Variants in RPS6KA6 observed in about 807,000 individuals in gnomAD.
RPS6KA6 encodes ribosomal protein S6 kinase A6, also known as ribosomal protein S6 kinase alpha-6.
RPS6KA6 carries 27 observed loss-of-function variants against 65.4 expected under a neutral mutation model. The ratio of observed to expected loss-of-function variants is 0.41; its 90% CI spans 0.30 to 0.57. The LOEUF is 0.57. Ranked by LOEUF, RPS6KA6 falls within the 20% of genes least tolerant of loss-of-function variation. The pLI is 0.24. For missense variants in RPS6KA6, 486 were observed against 555.6 expected (o/e 0.87, Z 1.26); for synonymous variants, 190 against 184.2 (o/e 1.03, Z -0.26).
intron 3 of RPS6KA6, among the ~76,000 whole-genome samples, chrX:84,152,603 C>A (rs2035347701): frequency 9.0e-6 from 1 of 111,386 alleles, no homozygotes; most frequent in Non-Finnish European, 1.9e-5. Context: ...TATATGTACT[C>A]ATTAGTTATT....
rs188099776 is a variant in RPS6KA6 at position 84,167,384 on chromosome X, G to T, written c.82-2997C>A. ...AAAAAGAAGAGAACTGTTGATACTTGTAACAACATCGATGAATCTTAAAAG... is the reference window on the plus strand; with the variant it reads ...AAAAAGAAGAGAACTGTTGATACTTTTAACAACATCGATGAATCTTAAAAG... On this transcript the variant is annotated intron_variant, in intron 1 of 21. Coordinates refer to ENST00000262752, the MANE Select transcript of RPS6KA6 (RefSeq NM_014496.5). 2.7e-5 allele frequency among the ~76,000 whole-genome samples: 3 copies of T among 112,021 alleles called. No homozygotes were observed. The East Asian group carries it at 8.4e-4, about 31-fold the overall frequency.
At chrX:84,136,509 ACAT>A (rs1422298554) in intron 6 of RPS6KA6, among the ~76,000 whole-genome samples, 2 of 111,853 alleles carry the variant, frequency 1.8e-5, no homozygotes, top group Non-Finnish European at 3.8e-5. Context: ...AAATATAAAA[ACAT>A]CACTTTCACT....
intron 2 of RPS6KA6, among the ~76,000 whole-genome samples, chrX:84,162,110 TG>T (rs1221076451): frequency 9.0e-6 from 1 of 110,799 alleles, no homozygotes; most frequent in African/African-American, 3.3e-5. Flanking sequence ...TTGACATTGC[TG>T]AAAGAAGTAG....
intron 20 of RPS6KA6, among the ~76,000 whole-genome samples, chrX:84,066,975 G>C (rs911551164): frequency 1.8e-5 from 2 of 111,716 alleles, no homozygotes; most frequent in African/African-American, 6.5e-5. Flanking sequence ...GTGATACCAA[G>C]GTGAACAGGG....
At chrX:84,088,698 G>T (rs2033982161) in intron 20 of RPS6KA6, among the ~76,000 whole-genome samples, 1 of 112,073 alleles carries the variant, frequency 8.9e-6, no homozygotes, top group Admixed American at 9.5e-5. Flanking sequence ...TGACTGCTTG[G>T]CCTCCCCAGA....
chrX:84,081,911 A>G (rs868655799), intron 20 of RPS6KA6, among the ~76,000 whole-genome samples: 1 of 111,659 alleles, frequency 9.0e-6, no homozygotes, highest in African/African-American at 3.3e-5. Flanking sequence ...CATGCTAAAA[A>G]CTCTCAATAA....
At chrX:84,130,703 T>C (rs1183744873) in intron 8 of RPS6KA6, among the ~76,000 whole-genome samples, 2 of 111,265 alleles carry the variant, frequency 1.8e-5, no homozygotes, top group Non-Finnish European at 3.8e-5. Context: ...CAGCCAACAA[T>C]ATGGATGAAT....
intron 2 of RPS6KA6, among the ~76,000 whole-genome samples, chrX:84,158,975 T>C (rs2035463428): frequency 9.0e-6 from 1 of 111,586 alleles, no homozygotes; most frequent in Non-Finnish European, 1.9e-5. Context: ...AAAAACAATA[T>C]TTGGGTGCTT....
Position 84,058,978 on chromosome X carries a change from T to A in RPS6KA6, c.*5299A>T, listed in dbSNP as rs770461904. 2.8e-5 allele frequency: 3 copies of A among 107,449 alleles called. No homozygotes were observed. Among genetic ancestry groups the A allele is most frequent in the East Asian group, 2.9e-4 (1 of 3,424 alleles). 8.9% of individuals were successfully genotyped at this position (107,449 alleles called of 1,213,427 possible). ...AGTACTTCCTGTTTTTTTTTTTTTT[T>A]ATCAAACAGAAAAACCACCTTCTCC... On this transcript the variant is annotated 3_prime_UTR_variant, in exon 22 of 22. Coordinates refer to ENST00000262752, the MANE Select transcript of RPS6KA6 (RefSeq NM_014496.5).
At position 84,102,274 on chromosome X, in the gene RPS6KA6, T is replaced by A. The variant is rs1465367491; in HGVS notation, c.1615-76A>T. On this transcript the variant is annotated intron_variant, in intron 17 of 21. Coordinates refer to ENST00000262752, the MANE Select transcript of RPS6KA6 (RefSeq NM_014496.5). ...TGAGAAATAAAACATTATATCTATA[T>A]AATTAACTAAATATCTGAGAAAAAG... The A allele has an allele frequency of 7.6e-6, 4 of 523,743 alleles. No homozygotes were observed. In the Admixed American group the frequency reaches 2.4e-4, roughly 32 times the overall value. 43.2% of individuals were successfully genotyped at this position (523,743 alleles called of 1,213,427 possible).
At chrX:84,088,557 G>T (rs1000414741) in intron 20 of RPS6KA6, among the ~76,000 whole-genome samples, 2 of 112,064 alleles carry the variant, frequency 1.8e-5, no homozygotes, top group Non-Finnish European at 1.9e-5. Flanking sequence ...TCCTGTAGGA[G>T]GTGTCTGGAG....
intron 6 of RPS6KA6, among the ~76,000 whole-genome samples, chrX:84,142,526 G>C (rs1175119635): frequency 3.6e-5 from 4 of 111,150 alleles, no homozygotes; most frequent in Non-Finnish European, 7.6e-5. Flanking sequence ...TAATAGAACA[G>C]AAATAGAATA....
At chrX:84,120,194 A>G (rs2034641457) in intron 8 of RPS6KA6, among the ~76,000 whole-genome samples, 167 bp from the exon 9 acceptor site, 1 of 111,603 alleles carries the variant, frequency 9.0e-6, no homozygotes, top group African/African-American at 3.2e-5. Context: ...CCTGTATTTC[A>G]TAACAATACT....
intron 16 of RPS6KA6, 55 bp downstream of exon 16, chrX:84,105,732 G>A (rs2034346273): frequency 4.3e-6 from 3 of 694,337 alleles, no homozygotes; most frequent in Non-Finnish European, 6.5e-6. Context: ...GAAAAATAAA[G>A]TTCCAATTCA....
Position 84,188,078 on chromosome X carries a change from G to A in RPS6KA6, c.-179C>T, listed in dbSNP as rs1299223565. On this transcript the variant is annotated 5_prime_UTR_variant, in exon 1 of 22. Coordinates refer to ENST00000262752, the MANE Select transcript of RPS6KA6 (RefSeq NM_014496.5). ...GTCTCTCAGAGGCTGGGAGCTGGGGGTCGCCGCCGCCGCCGCCCGGTGATT... is the reference window on the plus strand; with the variant it reads ...GTCTCTCAGAGGCTGGGAGCTGGGGATCGCCGCCGCCGCCGCCCGGTGATT... Among the ~76,000 whole-genome samples, 1 of 101,651 alleles carries A rather than the reference G, an allele frequency of 9.8e-6. No individual in the cohort carries two copies. The highest frequency in any genetic ancestry group is 2.0e-5 in the Non-Finnish European group (1 of 49,283). 88.3% of individuals were successfully genotyped at this position (101,651 alleles called of 115,157 possible).
chrX:84,136,338 C>CT, intron 6 of RPS6KA6, among the ~76,000 whole-genome samples: 1 of 111,561 alleles, frequency 9.0e-6, no homozygotes, highest in African/African-American at 3.2e-5. Context: ...ATTACGGCCA[C>CT]TGCATTTCAC....
At chrX:84,120,983 G>A (rs1000414342) in intron 8 of RPS6KA6, among the ~76,000 whole-genome samples, 2 of 112,201 alleles carry the variant, frequency 1.8e-5, no homozygotes, top group African/African-American at 6.5e-5. Flanking sequence ...TGGAACAGAA[G>A]AGTGTACAAT....
rs201080239 is a variant in RPS6KA6 at position 84,062,952 on chromosome X, T to TAGCAGCAGC, written c.*1324_*1325insGCTGCTGCT. On this transcript the variant is annotated 3_prime_UTR_variant, in exon 22 of 22. Transcript: ENST00000262752. ...GTAGTAGTAGTAGTAGTAGTAGTAG[T>TAGCAGCAGC]AGCAGTAGTAGCTGCTGCTGTTGTT... 6 of 110,207 alleles carry TAGCAGCAGC rather than the reference T, an allele frequency of 5.4e-5. No homozygotes were observed. The highest frequency in any genetic ancestry group is 1.1e-4 in the Non-Finnish European group (6 of 52,673). 9.1% of individuals were successfully genotyped at this position (110,207 alleles called of 1,213,427 possible). A position where few individuals can be genotyped will look rare whatever the true frequency, so the allele number is the denominator to read the frequency against.
At position 84,105,936 on chromosome X, in the gene RPS6KA6, G is replaced by C. The variant is rs1216980659; in HGVS notation, c.1366-60C>G. 6.3e-6 allele frequency: 4 copies of C among 635,306 alleles called. No individual in the cohort carries two copies. In the East Asian group the frequency reaches 1.4e-4, roughly 22 times the overall value. 52.4% of individuals were successfully genotyped at this position (635,306 alleles called of 1,213,427 possible). A position where few individuals can be genotyped will look rare whatever the true frequency, so the allele number is the denominator to read the frequency against. On this transcript the variant is annotated intron_variant, in intron 15 of 21. Coordinates refer to ENST00000262752, the MANE Select transcript of RPS6KA6 (RefSeq NM_014496.5). ...AAACAAATTATTTTGTCTAAAATGA[G>C]TATTTTCCATTTGGTTATATTTTTG...
Sources: gnomAD v4.1 joint callset for allele counts (sites outside exome capture counted in the v4.1 genomes callset) on GRCh38, gnomAD v4.1.1 for gene constraint, MANE v1.5 for transcripts, NCBI Gene and HGNC (gene_info 2026-07-23, HGNC 2026-07-21) for gene names.